USP28: variants seen among roughly 807,000 people sequenced by gnomAD.
USP28 encodes ubiquitin carboxyl-terminal hydrolase 28.
Under a neutral mutation model 145.0 loss-of-function variants are expected in USP28, and 113 were observed. The observed-to-expected ratio is 0.78, with a 90% CI of 0.67 to 0.91. USP28 has a LOEUF of 0.91. Among genes scored for constraint, USP28 ranks in the 40% least tolerant of loss-of-function variants. The pLI is 0.00. For synonymous variants in USP28, 447 were observed against 450.9 expected (o/e 0.99, Z 0.11); for missense variants, 1,201 against 1,289.6 (o/e 0.93, Z 1.05).
chr11:113,815,731 G>A (rs796843213), intron 13 of USP28, among the ~76,000 whole-genome samples: 1 of 152,158 alleles, frequency 6.6e-6, no homozygotes, highest in Admixed American at 6.5e-5. Context: ...CTTCCCATGA[G>A]GATGGGAAGA....
intron 15 of USP28, among the ~76,000 whole-genome samples, chr11:113,813,315 A>T (rs1166450503): frequency 6.6e-6 from 1 of 152,174 alleles, no homozygotes; most frequent in Non-Finnish European, 1.5e-5. Context: ...CATTCCAGTC[A>T]TTCATACAGA....
intron 1 of USP28, among the ~76,000 whole-genome samples, chr11:113,861,113 G>C (rs374944856): frequency 7.4e-6 from 1 of 135,282 alleles, no homozygotes; most frequent in East Asian, 2.2e-4. Context: ...GACAAAGCGA[G>C]ACTACACCTC....
intron 3 of USP28, among the ~76,000 whole-genome samples, chr11:113,850,104 C>T (rs906380087): frequency 2.6e-5 from 4 of 152,028 alleles, no homozygotes; most frequent in Admixed American, 6.6e-5. Flanking sequence ...GACAATTTCC[C>T]AATCTAAGAT....
At chr11:113,829,037 A>G in intron 10 of USP28, 160 bp downstream of exon 10, 1 of 884,286 alleles carries the variant, frequency 1.1e-6, no homozygotes, top group Non-Finnish European at 1.8e-6. Context: ...AAGTACTGAT[A>G]CTCACTGACT....
chr11:113,834,338 G>A lies in USP28; in HGVS notation c.535-3C>T. 6.2e-7 allele frequency: 1 copy of A among 1,600,590 alleles called. No homozygotes were observed. Among genetic ancestry groups the A allele is most frequent in the East Asian group, 2.2e-5 (1 of 44,572 alleles). ...AATTCAGGCAATTGAAAGAGAGACTGAAATAAAGAAAGAAAGGGATTCATA... is the reference window on the plus strand; with the variant it reads ...AATTCAGGCAATTGAAAGAGAGACTAAAATAAAGAAAGAAAGGGATTCATA... On this transcript the variant is annotated splice_region_variant and splice_polypyrimidine_tract_variant and intron_variant, in intron 5 of 24. Transcript: ENST00000003302.
chr11:113,822,170 G>T (rs1356720159), intron 12 of USP28, among the ~76,000 whole-genome samples: 1 of 152,058 alleles, frequency 6.6e-6, no homozygotes, highest in African/African-American at 2.4e-5. Flanking sequence ...AAGAGATGGG[G>T]GCCAGGAACA....
chr11:113,837,256 T>C (rs1944668753), intron 5 of USP28, among the ~76,000 whole-genome samples: 3 of 152,248 alleles, frequency 2.0e-5, no homozygotes, highest in Admixed American at 6.5e-5. Flanking sequence ...GTTGTCTTTG[T>C]TTTGTTCACT....
At chr11:113,866,515 T>C (rs543417353) in intron 1 of USP28, among the ~76,000 whole-genome samples, 25 of 152,276 alleles carry the variant, frequency 1.6e-4, no homozygotes, top group African/African-American at 5.8e-4. Flanking sequence ...AAAGAAGATA[T>C]ATAAATAGTC....
At chr11:113,874,707 A>T (rs1949197071) in intron 1 of USP28, 1 of 1,206,268 alleles carries the variant, frequency 8.3e-7, no homozygotes, top group Non-Finnish European at 1.1e-6. Flanking sequence ...CCTCTTCCCA[A>T]GTTTCTTCAT....
intron 5 of USP28, among the ~76,000 whole-genome samples, chr11:113,838,364 T>A (rs1351701165): frequency 6.6e-6 from 1 of 152,230 alleles, no homozygotes; most frequent in Non-Finnish European, 1.5e-5. Context: ...TATGATCATA[T>A]CACTTCTCTG....
At chr11:113,855,342 G>T (rs756142375) in intron 1 of USP28, among the ~76,000 whole-genome samples, 1 of 151,194 alleles carries the variant, frequency 6.6e-6, no homozygotes, top group African/African-American at 2.4e-5. Context: ...TGCAAGTACA[G>T]CTCAATCTAA....
chr11:113,854,241 G>C lies in USP28; in HGVS notation c.135+17C>G. Reference sequence around the variant, plus strand: ...CTGCTTTAAAGCCTCCTGACTAACAGAGATCTGGAAACCAACCTTCAGAGC... The same window carrying C: ...CTGCTTTAAAGCCTCCTGACTAACACAGATCTGGAAACCAACCTTCAGAGC... On this transcript the variant is annotated intron_variant, in intron 2 of 24. Transcript: ENST00000003302. 1 of 1,606,778 alleles carries C rather than the reference G, an allele frequency of 6.2e-7. No individual in the cohort carries two copies. Among genetic ancestry groups the C allele is most frequent in the Non-Finnish European group, 8.5e-7 (1 of 1,177,042 alleles).
chr11:113,850,645 C>CCGTGGCTTCCAGAGTCCCATTCT (rs1239586918), intron 3 of USP28, among the ~76,000 whole-genome samples: 8 of 152,216 alleles, frequency 5.3e-5, no homozygotes, highest in African/African-American at 1.7e-4. Flanking sequence ...CCAGAAGCCT[C>CCGTGGCTTCCAGAGTCCCATTCT]CGTGGCTTCC....
At chr11:113,838,109 T>C (rs1003290459) in intron 5 of USP28, among the ~76,000 whole-genome samples, 3 of 152,224 alleles carry the variant, frequency 2.0e-5, no homozygotes, top group Non-Finnish European at 4.4e-5. Context: ...TCCTCAGATA[T>C]ACTTTCTATG....
intron 4 of USP28, among the ~76,000 whole-genome samples, chr11:113,841,232 T>G (rs1325796931): frequency 6.6e-6 from 1 of 152,210 alleles, no homozygotes; most frequent in East Asian, 1.9e-4. Flanking sequence ...GAACTGGATG[T>G]TGGTGAACAG....
chr11:113,823,545 C>A, intron 12 of USP28, 60 bp downstream of exon 12: 1 of 1,270,150 alleles, frequency 7.9e-7, no homozygotes, highest in Non-Finnish European at 1.1e-6. Flanking sequence ...TAAAGAAAAA[C>A]AAATTATCTG....
intron 19 of USP28, among the ~76,000 whole-genome samples, chr11:113,805,959 C>T (rs1016955): frequency 0.49 from 74,746 of 151,816 alleles, 19,534 homozygotes; most frequent in South Asian, 0.59. Context: ...GACAGGGTCT[C>T]ACTCTGTCAC....
chr11:113,865,288 C>G (rs1275572695), intron 1 of USP28, among the ~76,000 whole-genome samples: 2 of 152,158 alleles, frequency 1.3e-5, no homozygotes, highest in African/African-American at 4.8e-5. Context: ...ACCTGCTAGA[C>G]AAATTCTAAA....
intron 6 of USP28, 104 bp from the exon 7 acceptor site, chr11:113,833,661 C>A: frequency 8.5e-7 from 1 of 1,174,574 alleles, no homozygotes; most frequent in Non-Finnish European, 1.2e-6. Flanking sequence ...TTTATATTTA[C>A]CTAGATCTAG....
Sources: allele counts gnomAD v4.1 joint callset (sites outside exome capture counted in the v4.1 genomes callset), GRCh38; gene constraint gnomAD v4.1.1; transcripts MANE v1.5; gene names NCBI Gene and HGNC (gene_info 2026-07-23, HGNC 2026-07-21).